Variants in LBP observed in about 807,000 individuals in gnomAD.
LBP encodes lipopolysaccharide binding protein, also known as lipopolysaccharide-binding protein.
A neutral mutation model predicts 56.6 loss-of-function variants in LBP; 53 were observed. The observed-to-expected ratio is 0.94, with a 90% confidence interval of 0.75 to 1.18. The LOEUF (loss-of-function observed/expected upper bound fraction) is 1.18, where lower values mean the gene tolerates loss of function less well. Ranked by LOEUF, LBP falls within the 50% of genes most tolerant of loss-of-function variation. The pLI is 0.00. For synonymous variants in LBP, 227 were observed against 247.5 expected (o/e 0.92, Z 0.78); for missense variants, 601 against 598.3 (o/e 1.00, Z -0.05).
At chr20:38,368,327 C>T (rs187569101) in intron 9 of LBP, among the ~76,000 whole-genome samples, 19 of 151,984 alleles carry the variant, frequency 1.3e-4, no homozygotes, top group African/African-American at 2.2e-4. Flanking sequence ...TGGCCAGGTG[C>T]GGTGGCTCAC....
intron 14 of LBP, among the ~76,000 whole-genome samples, chr20:38,375,792 C>T (rs1043986056): frequency 3.3e-5 from 5 of 152,026 alleles, no homozygotes; most frequent in East Asian, 3.9e-4. Context: ...GGGGATGCTG[C>T]GCTGTGCCTG....
At chr20:38,372,263 A>G (rs946386484) in intron 12 of LBP, among the ~76,000 whole-genome samples, 3 of 152,086 alleles carry the variant, frequency 2.0e-5, no homozygotes, top group Non-Finnish European at 4.4e-5. Context: ...TCCACTGACC[A>G]CCTCCACCTG....
intron 14 of LBP, among the ~76,000 whole-genome samples, chr20:38,374,847 G>A (rs6014889): frequency 0.12 from 17,009 of 147,100 alleles, 1,238 homozygotes; most frequent in African/African-American, 0.2. Flanking sequence ...GCAGTGGTGC[G>A]ATCTTGGCTT....
At chr20:38,353,035 G>A (rs6014804) in intron 3 of LBP, among the ~76,000 whole-genome samples, 1 of 151,890 alleles carries the variant, frequency 6.6e-6, no homozygotes, top group Non-Finnish European at 1.5e-5. Flanking sequence ...ATTTGTTCTA[G>A]TTCCATGAAA....
In LBP at chr20:38,370,772, C is replaced by T. The variant is rs747465389; in HGVS notation, c.1184C>T (p.Thr395Ile). ...TNVSATLTFNTSKITGFLKPG... is the reference protein window; with the variant it reads ...TNVSATLTFNISKITGFLKPG... ...GTGTCCGCCACCTTGACCTTCAATA[C>T]CAGCAAGATCACTGGGTTCCTGAAG... Residue 395 changes from threonine (T) to isoleucine (I), a missense_variant, in exon 11 of 15, where the codon ACC (threonine) becomes ATC (isoleucine). By Grantham distance (89) the Thr-to-Ile change is moderately conservative. Transcript: ENST00000217407. The T allele has an allele frequency of 6.2e-7, 1 of 1,614,140 alleles. No individual in the cohort carries two copies. The highest frequency in any genetic ancestry group is 8.5e-7 in the Non-Finnish European group (1 of 1,180,014).
At chr20:38,366,305 G>T (rs766871455) in intron 8 of LBP, among the ~76,000 whole-genome samples, 11 of 152,164 alleles carry the variant, frequency 7.2e-5, no homozygotes, top group Admixed American at 1.3e-4. Context: ...TGCGGCACGG[G>T]CCTCTCTTTC....
chr20:38,362,247 A>G (rs1293643016), intron 6 of LBP, among the ~76,000 whole-genome samples: 1 of 148,238 alleles, frequency 6.7e-6, no homozygotes, highest in African/African-American at 2.5e-5. Flanking sequence ...TTTTTAGTAG[A>G]GACGGGGTTT....
chr20:38,353,028 T>C (rs1600722795), intron 3 of LBP, among the ~76,000 whole-genome samples: 1 of 152,180 alleles, frequency 6.6e-6, no homozygotes, highest in East Asian at 1.9e-4. Context: ...TATGCACATT[T>C]GTTCTAGTTC....
chr20:38,360,632 C>A, intron 5 of LBP, 72 bp from the exon 6 acceptor site: 3 of 960,872 alleles, frequency 3.1e-6, no homozygotes, highest in Non-Finnish European at 5.0e-6. Flanking sequence ...AATAATGTGA[C>A]TGCAGTGATC....
intron 4 of LBP, among the ~76,000 whole-genome samples, chr20:38,355,049 T>C (rs1344892194): frequency 6.6e-6 from 1 of 152,192 alleles, no homozygotes; most frequent in African/African-American, 2.4e-5. Flanking sequence ...GCCACTGCAC[T>C]CCAGCCTGGG....
In LBP at chr20:38,363,905, A is replaced by C. The variant is rs5744209; in HGVS notation, c.653-70A>C. The stretch of plus-strand genomic sequence containing the variant: ...GTCACAGGGAATGTGAGTCAGCCAG[A>C]GCCCTTGCCCCTCCTCCAGCAGCTG... On this transcript the variant is annotated intron_variant, in intron 6 of 14. Transcript: ENST00000217407. 8.2e-4 allele frequency: 909 copies of C among 1,104,758 alleles called. 4 individuals are homozygous for C. In the Middle Eastern group the frequency reaches 9.9e-3, roughly 12 times the overall value. 68.4% of individuals were successfully genotyped at this position (1,104,758 alleles called of 1,614,324 possible). A position where few individuals can be genotyped will look rare whatever the true frequency, so the allele number is the denominator to read the frequency against.
At chr20:38,356,524 G>A (rs116139339) in intron 5 of LBP, among the ~76,000 whole-genome samples, 118 of 151,748 alleles carry the variant, frequency 7.8e-4, no homozygotes, top group African/African-American at 2.8e-3. Context: ...GGAACAGCAG[G>A]CAAACCCCGC....
chr20:38,354,289 T>A lies in LBP; in HGVS notation c.374T>A (p.Leu125Gln), dbSNP rs55733187. The A allele has an allele frequency of 4.5e-4, 729 of 1,612,836 alleles. No homozygotes were observed. The highest frequency in any genetic ancestry group is 5.9e-4 in the Non-Finnish European group (699 of 1,179,462). Residue 125 changes from leucine to glutamine, a missense_variant, in exon 4 of 15, where the codon CTA (leucine) becomes CAA (glutamine). Transcript: ENST00000217407. The part of the protein sequence containing the change: ...RWKVRKSFFK[L>Q]QGSFDVSVKG... ...GCTTCTCTTACCTCCTCCAGCAAAC[T>A]ACAGGGCTCCTTTGATGTCAGTGTC...
In LBP at chr20:38,355,364, C is replaced by T. The variant is rs944687664; in HGVS notation, c.543C>T (p.Phe181=). ...TCCCCAGGTGGCTGTTGAACCTCTT[C>T]CACAACCAGATTGAGTCCAAGTTCC... The part of the protein sequence containing the change: ...SGDLGWLLNL[F]HNQIESKFQK... Residue 181 remains phenylalanine (F), a synonymous_variant, in exon 5 of 15, where the codon TTC becomes TTT. Transcript: ENST00000217407. 6.2e-7 allele frequency: 1 copy of T among 1,613,820 alleles called. No individual in the cohort carries two copies. Among genetic ancestry groups the T allele is most frequent in the Non-Finnish European group, 8.5e-7 (1 of 1,179,966 alleles).
chr20:38,364,670 C>A lies in LBP; in HGVS notation c.839C>A (p.Ala280Asp). 1.2e-6 allele frequency: 2 copies of A among 1,614,142 alleles called. No homozygotes were observed. The highest frequency in any genetic ancestry group is 1.7e-6 in the Non-Finnish European group (2 of 1,180,014). The change falls in exon 8 of 15, where the codon GCC becomes GAC. Residue 280 changes from alanine (A) to aspartate (D), a missense_variant. Physicochemically the swap from Ala to Asp is moderately radical, Grantham distance 126 (BLOSUM62 -2). Transcript: ENST00000217407. ...PEEHNKMVYF[A>D]ISDYVFNTAS... ...GAACACAACAAAATGGTCTACTTTG[C>A]CATCTCGGATTATGTCTTCAACACG... is the stretch of plus-strand genomic sequence containing the variant.
chr20:38,356,188 C>T (rs1408790502), intron 5 of LBP, among the ~76,000 whole-genome samples: 1 of 90,658 alleles, frequency 1.1e-5, no homozygotes, highest in Non-Finnish European at 2.2e-5. Flanking sequence ...CAAACACACC[C>T]CACACACATA....
rs41435248 is a variant in LBP, at chr20:38,366,790, C to T, written c.943C>T (p.Arg315Ter). 137 of 1,614,118 alleles carry T rather than the reference C, an allele frequency of 8.5e-5. No individual in the cohort carries two copies. In the East Asian group the frequency reaches 1.0e-3, roughly 12 times the overall value. ...GCAGATACCGCCTGACTCTAATATC[C>T]GACTGACCACCAAGTCCTTCCGACC... ...DDMIPPDSNI[R>*]LTTKSFRPFV... Residue 315 changes from arginine to a stop codon, truncating the protein, a stop_gained, in exon 9 of 15, where the codon CGA becomes TGA. Coordinates refer to ENST00000217407, the MANE Select transcript of LBP (RefSeq NM_004139.5). LOFTEE classifies it high-confidence loss of function.
chr20:38,350,808 C>T lies in LBP; in HGVS notation c.240-3C>T, dbSNP rs767316568. ...ACACCTCCTTCCATGTCTCTCCCTT[C>T]AGCCTGAACATCCACAGCTGTGAGC... On this transcript the variant is annotated splice_polypyrimidine_tract_variant and splice_region_variant and intron_variant, in intron 2 of 14. Transcript: ENST00000217407. 1.8e-5 allele frequency: 29 copies of T among 1,601,770 alleles called. No individual in the cohort carries two copies. The African/African-American group carries it at 3.5e-4, about 19-fold the overall frequency.
At chr20:38,347,949 G>A (rs2076806682) in intron 1 of LBP, among the ~76,000 whole-genome samples, 1 of 152,210 alleles carries the variant, frequency 6.6e-6, no homozygotes, top group East Asian at 1.9e-4. Context: ...GCCCAGACTG[G>A]CTCGAGACAG....
Sources: gnomAD v4.1 joint callset for allele counts (sites outside exome capture counted in the v4.1 genomes callset) on GRCh38, gnomAD v4.1.1 for gene constraint, MANE v1.5 for transcripts, NCBI Gene and HGNC (gene_info 2026-07-23, HGNC 2026-07-21) for gene names.